FMO1: variants seen among roughly 807,000 people sequenced by gnomAD.
The protein encoded by FMO1 is flavin containing dimethylaniline monoxygenase 1, also known as flavin-containing monooxygenase 1.
FMO1 carries 36 observed loss-of-function variants against 45.4 expected under a neutral mutation model. The ratio of observed to expected loss-of-function variants is 0.79; its 90% CI spans 0.61 to 1.05. FMO1 has a LOEUF of 1.05. Ranked by LOEUF, FMO1 falls within the 50% of genes least tolerant of loss-of-function variation. The pLI is 0.00. For missense variants in FMO1, 615 were observed against 640.3 expected (o/e 0.96, Z 0.43); for synonymous variants, 228 against 227.2 (o/e 1.00, Z -0.03).
chr1:171,267,761 G>A lies in FMO1; in HGVS notation c.321+30G>A, dbSNP rs754020506. The A allele has an allele frequency of 3.8e-5, 58 of 1,545,142 alleles. No homozygotes were observed. In the South Asian group the frequency reaches 6.5e-4, roughly 17 times the overall value. ...GACACAAAACATCAGTTAGTAGTCA[G>A]AAAGTATTTCCTACCTATTTTCTCT... On this transcript the variant is annotated intron_variant, in intron 3 of 8. Coordinates refer to ENST00000617670, the MANE Select transcript of FMO1 (RefSeq NM_001282693.2).
intron 3 of FMO1, chr1:171,271,651 C>A: frequency 1.4e-6 from 1 of 706,654 alleles, no homozygotes; most frequent in Non-Finnish European, 2.5e-6. Context: ...TCTCACTTGC[C>A]CCAGTGCTGT....
In FMO1 at chr1:171,278,878, TC is replaced by T; in HGVS notation, c.627+9del. The T allele has an allele frequency of 6.3e-7, 1 of 1,599,582 alleles. No homozygotes were observed. The highest frequency in any genetic ancestry group is 8.5e-7 in the Non-Finnish European group (1 of 1,171,556). On this transcript the variant is annotated splice_region_variant and intron_variant, in intron 5 of 8. Coordinates refer to ENST00000617670, the MANE Select transcript of FMO1 (RefSeq NM_001282693.2). ...CAGCCACCTGGCGGAAAAGGTACAT[TC>T]CTGATGTTACTGGGTGAAGAGCTTT...
chr1:171,263,810 G>A (rs1660484150), intron 2 of FMO1, among the ~76,000 whole-genome samples: 2 of 152,196 alleles, frequency 1.3e-5, no homozygotes, highest in Admixed American at 1.3e-4. Context: ...AGGGTGCAGT[G>A]TGGGTATTGA....
At chr1:171,255,068 A>C (rs2101793654) in intron 1 of FMO1, among the ~76,000 whole-genome samples, 1 of 152,348 alleles carries the variant, frequency 6.6e-6, no homozygotes, top group Non-Finnish European at 1.5e-5. Flanking sequence ...TTGATGCCTG[A>C]GCTCATCAGA....
At position 171,258,129 on chromosome 1, in the gene FMO1, C is replaced by G; in HGVS notation, c.42C>G (p.Gly14=). ...CCATTGTGGGAGCTGGGGTCAGCGG[C>G]CTGGCCTCCATCAAGTGCTGTCTGG... The part of the protein sequence containing the change: ...RVAIVGAGVS[G]LASIKCCLEE... The change falls in exon 2 of 9, where the codon GGC becomes GGG. Residue 14 remains glycine, a synonymous_variant. Transcript: ENST00000617670. 6.2e-7 allele frequency: 1 copy of G among 1,614,174 alleles called. No homozygotes were observed. The highest frequency in any genetic ancestry group is 1.1e-5 in the South Asian group (1 of 91,090).
At chr1:171,274,637 TAAG>T (rs1400773903) in intron 3 of FMO1, among the ~76,000 whole-genome samples, 1 of 152,164 alleles carries the variant, frequency 6.6e-6, no homozygotes. Flanking sequence ...AAGAGGGACT[TAAG>T]AAGCCTATAT....
chr1:171,250,813 C>A (rs114329198), intron 1 of FMO1, among the ~76,000 whole-genome samples: 2,506 of 152,114 alleles, frequency 0.016, 37 homozygotes, highest in Middle Eastern at 0.044. Context: ...ATTTAGTCAG[C>A]TTTACTGAGG....
intron 3 of FMO1, among the ~76,000 whole-genome samples, chr1:171,273,353 A>T (rs1400642144): frequency 6.6e-6 from 1 of 152,226 alleles, no homozygotes; most frequent in Non-Finnish European, 1.5e-5. Context: ...AGATTTCCAA[A>T]GAGTATTTTA....
At chr1:171,248,848 A>C (rs1489853883) in intron 1 of FMO1, among the ~76,000 whole-genome samples, 2 of 150,980 alleles carry the variant, frequency 1.3e-5, no homozygotes, top group Non-Finnish European at 3.0e-5. Context: ...CCACTTAATA[A>C]TCTACCCAGC....
intron 3 of FMO1, chr1:171,271,400 C>T: frequency 9.1e-7 from 1 of 1,096,226 alleles, no homozygotes; most frequent in South Asian, 1.2e-5. Context: ...TCACCTTTGC[C>T]ATATCTTCAA....
chr1:171,250,543 C>T lies in FMO1; in HGVS notation c.-7+1920C>T, dbSNP rs191389340. ...AAACCAAAGCGGACACTCAATCTGACTTCAGTAAATTATATATTTGCATTT... is the reference window on the plus strand; with the variant it reads ...AAACCAAAGCGGACACTCAATCTGATTTCAGTAAATTATATATTTGCATTT... On this transcript the variant is annotated intron_variant, in intron 1 of 8. Coordinates refer to ENST00000617670, the MANE Select transcript of FMO1 (RefSeq NM_001282693.2). Among the ~76,000 whole-genome samples, 106 of 152,266 alleles carry T rather than the reference C, an allele frequency of 7.0e-4. 1 individual carries two copies. Among genetic ancestry groups the T allele is most frequent in the East Asian group, 1.5e-3 (8 of 5,184 alleles).
chr1:171,259,788 T>C (rs1660304382), intron 2 of FMO1, among the ~76,000 whole-genome samples: 1 of 152,190 alleles, frequency 6.6e-6, no homozygotes, highest in Admixed American at 6.5e-5. Context: ...TGAGTCTGGA[T>C]CCAGCTGGGC....
Position 171,285,220 on chromosome 1 carries a change from C to A in FMO1, c.1275C>A (p.Cys425Ter). 6.2e-7 allele frequency: 1 copy of A among 1,605,324 alleles called. No homozygotes were observed. Among genetic ancestry groups the A allele is most frequent in the Non-Finnish European group, 8.5e-7 (1 of 1,175,794 alleles). ...NKPSWFGLCY[C>*]KALQSDYITY... ...TATAAAGGTTTGGCTTGTGCTACTG[C>A]AAGGCTTTACAATCAGATTATATCA... Residue 425 changes from cysteine (C) to a stop codon, truncating the protein, a stop_gained, in exon 9 of 9, where the codon TGC becomes TGA. Transcript: ENST00000617670. LOFTEE classifies it low-confidence loss of function (END_TRUNC).
At chr1:171,279,818 CATTTTA>C (rs142148831) in intron 5 of FMO1, among the ~76,000 whole-genome samples, 2 of 152,260 alleles carry the variant, frequency 1.3e-5, no homozygotes, top group Non-Finnish European at 2.9e-5. Flanking sequence ...CCAAATCTGC[CATTTTA>C]ATTTTAACTT....
At chr1:171,274,761 C>T (rs1315330010) in intron 3 of FMO1, among the ~76,000 whole-genome samples, 1 of 152,124 alleles carries the variant, frequency 6.6e-6, no homozygotes, top group Non-Finnish European at 1.5e-5. Flanking sequence ...ATTTCCTGAA[C>T]CAAAGCCTGG....
chr1:171,285,174 C>T (rs1054262013), intron 8 of FMO1, 28 bp from the exon 9 acceptor site: 4 of 1,454,620 alleles, frequency 2.7e-6, no homozygotes, highest in Middle Eastern at 1.8e-4. Flanking sequence ...TTGTCTTCAC[C>T]TTTTCCCCCA....
At chr1:171,276,132 G>C (rs1296975400) in intron 4 of FMO1, among the ~76,000 whole-genome samples, 1 of 151,982 alleles carries the variant, frequency 6.6e-6, no homozygotes, top group East Asian at 1.9e-4. Context: ...GAAATGGTTT[G>C]GTTTATTTCA....
intron 2 of FMO1, among the ~76,000 whole-genome samples, chr1:171,264,407 G>C (rs114581402): frequency 2.7e-5 from 4 of 149,696 alleles, no homozygotes; most frequent in African/African-American, 9.8e-5. Context: ...TATATTTTGG[G>C]TATATTGAGT....
intron 2 of FMO1, 129 bp downstream of exon 2, chr1:171,258,348 AC>A: frequency 9.2e-7 from 1 of 1,084,964 alleles, no homozygotes; most frequent in Non-Finnish European, 1.3e-6. Context: ...TGAACAGGGG[AC>A]CATGAGGAGC....
Sources: allele counts gnomAD v4.1 joint callset (sites outside exome capture counted in the v4.1 genomes callset), GRCh38; gene constraint gnomAD v4.1.1; transcripts MANE v1.5; gene names NCBI Gene and HGNC (gene_info 2026-07-23, HGNC 2026-07-21).